The following HERC4 variants were observed in gnomAD, a reference collection of about 807,000 sequenced individuals.
HERC4 encodes probable E3 ubiquitin-protein ligase HERC4.
Under a neutral mutation model 124.3 loss-of-function variants are expected in HERC4, and 28 were observed. That is an observed-to-expected ratio of 0.23 (90% CI 0.17 to 0.31). The LOEUF (loss-of-function observed/expected upper bound fraction) is 0.31, where lower values mean the gene tolerates loss of function less well. Ranked by LOEUF, HERC4 falls within the 10% of genes least tolerant of loss-of-function variation. The probability of loss-of-function intolerance (pLI) is 1.00; values close to 1 mark genes in which losing one functional copy is unlikely to be tolerated. For synonymous variants in HERC4, 407 were observed against 421.5 expected (o/e 0.97, Z 0.42); for missense variants, 713 against 1,229.3 (o/e 0.58, Z 6.28).
chr10:68,065,914 G>A (rs58190387), intron 3 of HERC4, among the ~76,000 whole-genome samples: 11,510 of 151,632 alleles, frequency 0.076, 1,129 homozygotes, highest in African/African-American at 0.23. Flanking sequence ...GGTTTTTCTC[G>A]CATATAAGGT....
At chr10:68,048,885 C>A (rs982115359) in intron 3 of HERC4, among the ~76,000 whole-genome samples, 1 of 152,070 alleles carries the variant, frequency 6.6e-6, no homozygotes, top group African/African-American at 2.4e-5. Context: ...ACCATTTATT[C>A]ATCTGATAAA....
At chr10:68,023,838 G>C (rs2038770318) in intron 8 of HERC4, among the ~76,000 whole-genome samples, 1 of 152,082 alleles carries the variant, frequency 6.6e-6, no homozygotes, top group African/African-American at 2.4e-5. Context: ...ATAACTTACA[G>C]ACCTCCATGT....
intron 9 of HERC4, chr10:68,007,754 T>C (rs1468497912): frequency 6.6e-6 from 1 of 151,362 alleles, no homozygotes; most frequent in African/African-American, 2.4e-5. Flanking sequence ...CAAGCTGGAG[T>C]GCAGTGGCTA....
At chr10:68,062,903 A>G (rs1388351800) in intron 3 of HERC4, among the ~76,000 whole-genome samples, 1 of 152,200 alleles carries the variant, frequency 6.6e-6, no homozygotes, top group Non-Finnish European at 1.5e-5. Context: ...TATTCACCAA[A>G]TTAAATTCAA....
chr10:67,927,058 A>C (rs2031065042), intron 23 of HERC4, among the ~76,000 whole-genome samples: 1 of 152,106 alleles, frequency 6.6e-6, no homozygotes, highest in African/African-American at 2.4e-5. Context: ...ATTTATCTTA[A>C]TCACTGAACT....
intron 3 of HERC4, 92 bp downstream of exon 3, chr10:68,072,791 A>G: frequency 1.2e-6 from 1 of 854,188 alleles, no homozygotes; most frequent in South Asian, 2.1e-5. Context: ...CTTGATAAAC[A>G]TATAGTTACA....
At chr10:67,972,666 G>A (rs1183761693) in intron 15 of HERC4, among the ~76,000 whole-genome samples, 2 of 151,452 alleles carry the variant, frequency 1.3e-5, no homozygotes, top group Admixed American at 1.3e-4. Context: ...GAAAGAGAAG[G>A]AATAAAATTT....
At chr10:67,940,815 G>A in intron 20 of HERC4, 124 bp downstream of exon 20, 1 of 853,002 alleles carries the variant, frequency 1.2e-6, no homozygotes, top group East Asian at 2.8e-5. Context: ...AAGGGCATTT[G>A]TTTACTTCAG....
intron 15 of HERC4, among the ~76,000 whole-genome samples, chr10:67,971,728 G>T (rs963169436): frequency 6.2e-5 from 9 of 145,520 alleles, no homozygotes; most frequent in Admixed American, 5.0e-4. Flanking sequence ...CTAAGATTAG[G>T]AACTAGGCAA....
Position 68,033,001 on chromosome 10 carries a change from G to T in HERC4, c.686-132C>A. 3 of 613,102 alleles carry T rather than the reference G, an allele frequency of 4.9e-6. No homozygotes were observed. In the South Asian group the frequency reaches 5.8e-5, roughly 12 times the overall value. 38.0% of individuals were successfully genotyped at this position (613,102 alleles called of 1,614,324 possible). ...ATTTTAACTATGATTCGATGATTTT[G>T]TAGTACAAGCTTACTAAGTCAGGTT... On this transcript the variant is annotated intron_variant, in intron 6 of 24. Coordinates refer to ENST00000373700, the MANE Select transcript of HERC4 (RefSeq NM_015601.4).
At chr10:67,978,896 C>T (rs1306268748) in intron 15 of HERC4, among the ~76,000 whole-genome samples, 1 of 152,122 alleles carries the variant, frequency 6.6e-6, no homozygotes, top group Admixed American at 6.6e-5. Context: ...ATGAGTCTGC[C>T]AGAACCACAG....
intron 15 of HERC4, among the ~76,000 whole-genome samples, chr10:67,968,371 C>T (rs1011208849): frequency 6.6e-6 from 1 of 151,614 alleles, no homozygotes; most frequent in African/African-American, 2.4e-5. Context: ...AGCTGAGAGG[C>T]TACTCCTTTT....
chr10:67,974,198 G>C (rs1042666836), intron 15 of HERC4, among the ~76,000 whole-genome samples: 1 of 151,088 alleles, frequency 6.6e-6, no homozygotes, highest in African/African-American at 2.4e-5. Context: ...CTCGAGAAAC[G>C]TTTGCCTCAG....
At chr10:68,050,166 T>C (rs928544967) in intron 3 of HERC4, among the ~76,000 whole-genome samples, 1 of 152,180 alleles carries the variant, frequency 6.6e-6, no homozygotes, top group African/African-American at 2.4e-5. Flanking sequence ...CACTCCAGCC[T>C]GGGCAACCAA....
In HERC4 at chr10:68,059,384, G is replaced by C. The variant is rs540979553; in HGVS notation, c.226+13499C>G. On this transcript the variant is annotated intron_variant, in intron 3 of 24. Transcript: ENST00000373700. ...ATGCTTTCAAGTCTTCATCATATAG[G>C]TCTTGCACATTTCTTACTACTTTAT... Among the ~76,000 whole-genome samples the C allele has an allele frequency of 3.2e-3, 464 of 144,076 alleles. 1 individual carries two copies. Among genetic ancestry groups the C allele is most frequent in the African/African-American group, 0.011 (443 of 38,650 alleles). 94.5% of individuals were successfully genotyped at this position (144,076 alleles called of 152,430 possible).
chr10:68,012,185 CT>C (rs1264470084), intron 9 of HERC4, among the ~76,000 whole-genome samples: 2 of 152,154 alleles, frequency 1.3e-5, no homozygotes, highest in Non-Finnish European at 2.9e-5. Flanking sequence ...TCTATTCGGA[CT>C]ACTAAAATTC....
At position 68,073,178 on chromosome 10, in the gene HERC4, A is replaced by C; in HGVS notation, c.-70T>G. 8.4e-7 allele frequency: 1 copy of C among 1,184,486 alleles called. No homozygotes were observed. The allele number at this position is 1,184,486 out of a possible 1,614,324, so 73.4% of individuals were successfully genotyped here. On this transcript the variant is annotated 5_prime_UTR_variant, in exon 3 of 25. Coordinates refer to ENST00000373700, the MANE Select transcript of HERC4 (RefSeq NM_015601.4). Reference sequence around the variant, plus strand: ...TCTGAAACCCCGGAAAGTTGGAGGTACCCTATGTCTGAGGAAATAGAAAGA... The same window carrying C: ...TCTGAAACCCCGGAAAGTTGGAGGTCCCCTATGTCTGAGGAAATAGAAAGA...
intron 5 of HERC4, among the ~76,000 whole-genome samples, chr10:68,035,217 A>G (rs1253526245): frequency 1.3e-5 from 2 of 151,416 alleles, no homozygotes; most frequent in African/African-American, 4.9e-5. Flanking sequence ...CAGTGGCGCA[A>G]TCTTCACTCA....
chr10:68,010,626 T>C (rs1026162222), intron 9 of HERC4: 1 of 1,414,598 alleles, frequency 7.1e-7, no homozygotes. Context: ...GCATATCTCC[T>C]GAATATTTTC....
Sources: allele counts gnomAD v4.1 joint callset (sites outside exome capture counted in the v4.1 genomes callset), GRCh38; gene constraint gnomAD v4.1.1; transcripts MANE v1.5; gene names NCBI Gene and HGNC (gene_info 2026-07-23, HGNC 2026-07-21).